The following REPS1 variants were observed in gnomAD, a reference collection of about 807,000 sequenced individuals.
REPS1 encodes the protein RALBP1 associated Eps domain containing 1, also known as ralBP1-associated Eps domain-containing protein 1.
REPS1 carries 39 observed loss-of-function variants against 100.9 expected under a neutral mutation model. The observed-to-expected ratio is 0.39, with a 90% CI of 0.30 to 0.50. REPS1 has a LOEUF of 0.50. Among genes scored for constraint, REPS1 ranks in the 20% least tolerant of loss-of-function variants. The pLI is 0.86. For missense variants in REPS1, 821 were observed against 968.5 expected, an observed-to-expected ratio of 0.85 and a Z score of 2.02; for synonymous variants, 324 against 340.3, an observed-to-expected ratio of 0.95 and a Z score of 0.53.
intron 8 of REPS1, chr6:138,934,381 C>T: frequency 2.1e-6 from 1 of 467,744 alleles, no homozygotes; most frequent in South Asian, 1.6e-5. Flanking sequence ...CCCAAAAGGG[C>T]TGTTACGCAA....
In REPS1 at chr6:138,921,082, T is replaced by C. The variant is rs748767185; in HGVS notation, c.1381A>G (p.Ser461Gly). 30 of 1,612,812 alleles carry C rather than the reference T, an allele frequency of 1.9e-5. No homozygotes were observed. The highest frequency in any genetic ancestry group is 2.5e-5 in the Non-Finnish European group (29 of 1,179,328). ...TCCATTTCCTGCATGTGGATTTTGC[T>C]TGGAGTCATACGAATGGGAACTGGA... is the stretch of plus-strand genomic sequence containing the variant. Reference protein sequence around the residue: ...VHPVPIRMTPSKIHMQEMELK... With the variant: ...VHPVPIRMTPGKIHMQEMELK... Residue 461 changes from serine (S) to glycine (G), a missense_variant, in exon 11 of 20, where the codon AGC (serine) becomes GGC (glycine). Transcript: ENST00000450536.
intron 8 of REPS1, among the ~76,000 whole-genome samples, chr6:138,938,734 T>C (rs1782032163): frequency 6.6e-6 from 1 of 152,160 alleles, no homozygotes; most frequent in East Asian, 1.9e-4. Context: ...CCTCTGCCTA[T>C]AGTCAGAAAG....
chr6:138,927,831 T>G (rs1292338758), intron 9 of REPS1: 1 of 152,226 alleles, frequency 6.6e-6, no homozygotes, highest in Non-Finnish European at 1.5e-5. Context: ...AAGTTACTTA[T>G]CAATATCTGT....
At chr6:138,912,565 C>G (rs1286206805) in intron 16 of REPS1, 200 bp downstream of exon 16, 1 of 587,372 alleles carries the variant, frequency 1.7e-6, no homozygotes, top group African/African-American at 1.9e-5. Flanking sequence ...GATATCAATC[C>G]CCCACCCCCA....
intron 15 of REPS1, among the ~76,000 whole-genome samples, chr6:138,913,229 G>A (rs557495208): frequency 1.3e-5 from 2 of 151,868 alleles, no homozygotes; most frequent in East Asian, 3.9e-4. Context: ...TGAAGGAGAG[G>A]GTAGGTCTGG....
At chr6:138,975,063 A>G (rs1784523915) in intron 1 of REPS1, among the ~76,000 whole-genome samples, 1 of 151,956 alleles carries the variant, frequency 6.6e-6, no homozygotes, top group Admixed American at 6.6e-5. Context: ...ACCACCACCA[A>G]GTCTGCACAC....
At chr6:138,982,302 T>C (rs1784997969) in intron 1 of REPS1, among the ~76,000 whole-genome samples, 1 of 152,254 alleles carries the variant, frequency 6.6e-6, no homozygotes, top group Non-Finnish European at 1.5e-5. Context: ...ATTAAATTTA[T>C]GTGTTATGCA....
intron 9 of REPS1, chr6:138,927,550 G>C (rs983853800): frequency 2.0e-5 from 3 of 152,006 alleles, no homozygotes; most frequent in African/African-American, 7.2e-5. Context: ...AATCCTCTTT[G>C]GGAAAGTATA....
chr6:138,932,532 G>A (rs1781550346), intron 8 of REPS1, among the ~76,000 whole-genome samples: 1 of 150,502 alleles, frequency 6.6e-6, no homozygotes, highest in Non-Finnish European at 1.5e-5. Flanking sequence ...TGTTCATGAA[G>A]CAGTACAAAT....
chr6:138,914,730 A>T lies in REPS1; in HGVS notation c.1752T>A (p.Pro584=). ...GQQQAGVVAH[P]PAVPPRPQPS... is the part of the protein sequence containing the mutation. ...GCTGTGGTCTTGGAGGCACTGCAGG[A>T]GGATGGGCAACAACTCCAGCCTGTT... Residue 584 remains proline, a synonymous_variant, in exon 15 of 20, where the codon CCT becomes CCA. Coordinates refer to ENST00000450536, the MANE Select transcript of REPS1 (RefSeq NM_001286611.2). 6.2e-7 allele frequency: 1 copy of T among 1,612,586 alleles called. No individual in the cohort carries two copies. The highest frequency in any genetic ancestry group is 8.5e-7 in the Non-Finnish European group (1 of 1,179,590).
At chr6:138,949,659 G>A (rs539546918) in intron 1 of REPS1, among the ~76,000 whole-genome samples, 37 of 152,152 alleles carry the variant, frequency 2.4e-4, no homozygotes, top group African/African-American at 8.4e-4. Context: ...TCGGGAGATG[G>A]AGGTTGCAGT....
chr6:138,922,734 G>C (rs1780861081), intron 10 of REPS1, among the ~76,000 whole-genome samples: 1 of 152,192 alleles, frequency 6.6e-6, no homozygotes, highest in Non-Finnish European at 1.5e-5. Flanking sequence ...GGCCGCTAAA[G>C]ACTGAATTTG....
At position 138,909,368 on chromosome 6, in the gene REPS1, G is replaced by A. The variant is rs75748606; in HGVS notation, c.2068-552C>T. 1.1e-4 allele frequency among the ~76,000 whole-genome samples: 16 copies of A among 152,134 alleles called. No homozygotes were observed. In the East Asian group the frequency reaches 3.1e-3, roughly 29 times the overall value. On this transcript the variant is annotated intron_variant, in intron 17 of 19. Transcript: ENST00000450536. ...TTGGCAGAATAAAAAACAGCATTTTGGCATTTACCATAACTTGATTTACCT... is the reference window on the plus strand; with the variant it reads ...TTGGCAGAATAAAAAACAGCATTTTAGCATTTACCATAACTTGATTTACCT...
At chr6:138,926,283 G>T (rs1781115950) in intron 10 of REPS1, 118 bp downstream of exon 10, 1 of 659,938 alleles carries the variant, frequency 1.5e-6, no homozygotes. Context: ...CAAAAAGCCT[G>T]CCGCCACTTC....
At chr6:138,922,056 T>C (rs1011685331) in intron 10 of REPS1, among the ~76,000 whole-genome samples, 1 of 151,534 alleles carries the variant, frequency 6.6e-6, no homozygotes, top group Non-Finnish European at 1.5e-5. Flanking sequence ...AAGACAATAT[T>C]AAAAAGTGAG....
At chr6:138,931,696 G>A (rs748564575) in intron 8 of REPS1, among the ~76,000 whole-genome samples, 2 of 151,990 alleles carry the variant, frequency 1.3e-5, no homozygotes, top group Non-Finnish European at 2.9e-5. Flanking sequence ...AAAGTTCTTA[G>A]AGAAGAACTT....
intron 10 of REPS1, among the ~76,000 whole-genome samples, chr6:138,926,010 A>G (rs1217014595): frequency 6.6e-6 from 1 of 152,264 alleles, no homozygotes; most frequent in Non-Finnish European, 1.5e-5. Flanking sequence ...ATGACATTGC[A>G]TAAATAGTTA....
chr6:138,920,685 T>G (rs1582730691), intron 11 of REPS1, among the ~76,000 whole-genome samples: 2 of 152,324 alleles, frequency 1.3e-5, no homozygotes, highest in East Asian at 3.9e-4. Context: ...AAATGAGACA[T>G]TCCAAGAGTT....
chr6:138,926,931 C>G (rs1781171611), intron 9 of REPS1: 1 of 156,610 alleles, frequency 6.4e-6, no homozygotes, highest in Non-Finnish European at 1.4e-5. Flanking sequence ...CAAAGCAAGT[C>G]AGTGCGACTT....
Sources: gnomAD v4.1 joint callset for allele counts (sites outside exome capture counted in the v4.1 genomes callset) on GRCh38, gnomAD v4.1.1 for gene constraint, MANE v1.5 for transcripts, NCBI Gene and HGNC (gene_info 2026-07-23, HGNC 2026-07-21) for gene names.